Variants in NT5DC1 observed in about 807,000 individuals in gnomAD.
The protein encoded by NT5DC1 is 5'-nucleotidase domain containing 1.
A neutral mutation model predicts 59.4 loss-of-function variants in NT5DC1; 42 were observed. The observed-to-expected ratio is 0.71, with a 90% CI of 0.55 to 0.92. The LOEUF is 0.92. Among genes scored for constraint, NT5DC1 ranks in the 40% least tolerant of loss-of-function variants. The probability of loss-of-function intolerance (pLI) is 0.00; values close to 1 mark genes in which losing one functional copy is unlikely to be tolerated. For missense variants in NT5DC1, 501 were observed against 537.1 expected (o/e 0.93, Z 0.66); for synonymous variants, 172 against 188.1 (o/e 0.91, Z 0.70).
intron 6 of NT5DC1, among the ~76,000 whole-genome samples, chr6:116,147,100 A>T (rs892500415): frequency 4.0e-5 from 6 of 150,568 alleles, no homozygotes; most frequent in African/African-American, 1.2e-4. Flanking sequence ...TGACAATATT[A>T]AAAAAAAACT....
intron 6 of NT5DC1, among the ~76,000 whole-genome samples, chr6:116,213,234 T>C (rs1781616639): frequency 6.6e-6 from 1 of 152,108 alleles, no homozygotes; most frequent in Non-Finnish European, 1.5e-5. Flanking sequence ...AGTAGTCTTC[T>C]GAAGGCATGA....
intron 6 of NT5DC1, among the ~76,000 whole-genome samples, chr6:116,143,503 T>C (rs1299395243): frequency 6.6e-6 from 1 of 152,202 alleles, no homozygotes; most frequent in Non-Finnish European, 1.5e-5. Flanking sequence ...TGAGCCACTG[T>C]GCCCGGCCTT....
chr6:116,214,597 C>T (rs181094899), intron 6 of NT5DC1, among the ~76,000 whole-genome samples: 1 of 152,050 alleles, frequency 6.6e-6, no homozygotes, highest in Admixed American at 6.6e-5. Flanking sequence ...CCACCCCAAA[C>T]CTACTGAATC....
rs1025790263 is a variant in NT5DC1, at chr6:116,119,173, C to T, written c.529+1228C>T. 5.2e-5 allele frequency: 8 copies of T among 152,734 alleles called. No homozygotes were observed. In the East Asian group the frequency reaches 1.3e-3, roughly 26 times the overall value. 9.5% of individuals were successfully genotyped at this position (152,734 alleles called of 1,614,324 possible). The stretch of plus-strand genomic sequence containing the variant: ...TAAATAATATATCTCCACTTCTAGT[C>T]GAATTTTGAAACCCTCAGTGTAAAT... On this transcript the variant is annotated intron_variant, in intron 6 of 11. Coordinates refer to ENST00000319550, the MANE Select transcript of NT5DC1 (RefSeq NM_152729.3).
intron 8 of NT5DC1, among the ~76,000 whole-genome samples, chr6:116,234,824 C>G (rs1326901833): frequency 6.6e-6 from 1 of 152,178 alleles, no homozygotes; most frequent in Non-Finnish European, 1.5e-5. Context: ...AGTTCTGCGG[C>G]TTTCACAGTC....
At chr6:116,167,198 A>G (rs1780488457) in intron 6 of NT5DC1, among the ~76,000 whole-genome samples, 1 of 150,418 alleles carries the variant, frequency 6.6e-6, no homozygotes, top group Admixed American at 6.7e-5. Flanking sequence ...AATTAGTTCA[A>G]ATAGAAGATT....
At chr6:116,156,464 G>A (rs1490799380) in intron 6 of NT5DC1, among the ~76,000 whole-genome samples, 1 of 152,174 alleles carries the variant, frequency 6.6e-6, no homozygotes, top group East Asian at 1.9e-4. Flanking sequence ...TGCCTCATAA[G>A]GGATTACTAT....
At chr6:116,106,523 C>A (rs535782980) in intron 2 of NT5DC1, among the ~76,000 whole-genome samples, 188 bp downstream of exon 2, 4 of 152,162 alleles carry the variant, frequency 2.6e-5, no homozygotes, top group African/African-American at 9.6e-5. Flanking sequence ...CTACTTTAAA[C>A]AAGTTTAGAC....
intron 6 of NT5DC1, among the ~76,000 whole-genome samples, chr6:116,192,465 A>G (rs1354866971): frequency 6.6e-6 from 1 of 152,060 alleles, no homozygotes; most frequent in Non-Finnish European, 1.5e-5. Flanking sequence ...TTAACTATAT[A>G]CAGATGAAAG....
intron 6 of NT5DC1, among the ~76,000 whole-genome samples, chr6:116,166,795 C>T (rs1780479771): frequency 6.6e-6 from 1 of 151,998 alleles, no homozygotes; most frequent in Non-Finnish European, 1.5e-5. Flanking sequence ...AAAAATGGTT[C>T]CCTGATGTAA....
intron 6 of NT5DC1, among the ~76,000 whole-genome samples, chr6:116,174,113 A>G (rs1780678811): frequency 6.6e-6 from 1 of 152,172 alleles, no homozygotes; most frequent in Non-Finnish European, 1.5e-5. Context: ...ATCACATCAT[A>G]TGAGGGGTAC....
At chr6:116,101,116 C>G (rs1264866300) in intron 1 of NT5DC1, 93 bp downstream of exon 1, 4 of 911,098 alleles carry the variant, frequency 4.4e-6, no homozygotes, top group Non-Finnish European at 6.5e-6. Flanking sequence ...GCGGACGCTG[C>G]CCGGGGCCTG....
At chr6:116,180,580 C>T (rs1780853615) in intron 6 of NT5DC1, among the ~76,000 whole-genome samples, 2 of 152,040 alleles carry the variant, frequency 1.3e-5, no homozygotes, top group African/African-American at 2.4e-5. Context: ...CATTTTGTGC[C>T]TCATGATGTG....
In NT5DC1 at chr6:116,106,308, A is replaced by G. The variant is rs140387594; in HGVS notation, c.158A>G (p.Asn53Ser). The change falls in exon 2 of 12, where the codon AAT becomes AGT. Residue 53 changes from asparagine to serine, a missense_variant. Transcript: ENST00000319550. ...AAAGGGTACGATAAGGAATTGCTCA[A>G]TGTGACCCCAGAGGATTGGGATTTC... ...KEKGYDKELL[N>S]VTPEDWDFCC... 2.3e-5 allele frequency: 36 copies of G among 1,573,896 alleles called. No individual in the cohort carries two copies. In the Middle Eastern group the frequency reaches 5.1e-4, roughly 22 times the overall value.
chr6:116,105,642 G>A (rs189644563), intron 1 of NT5DC1, among the ~76,000 whole-genome samples: 135 of 152,258 alleles, frequency 8.9e-4, no homozygotes, highest in Middle Eastern at 6.8e-3. Context: ...TGAGAAATAA[G>A]ATCTGTCAGC....
At chr6:116,112,665 G>A (rs1416402522) in intron 4 of NT5DC1, among the ~76,000 whole-genome samples, 1 of 152,140 alleles carries the variant, frequency 6.6e-6, no homozygotes, top group Non-Finnish European at 1.5e-5. Context: ...TCCTAGCAAT[G>A]GACATTTATG....
At chr6:116,241,791 C>T (rs541213263) in intron 11 of NT5DC1, among the ~76,000 whole-genome samples, 8 of 151,420 alleles carry the variant, frequency 5.3e-5, no homozygotes, top group African/African-American at 1.2e-4. Context: ...GGCGTGGTGG[C>T]GGGCGCCTGT....
chr6:116,117,614 A>G (rs1778990300), intron 5 of NT5DC1, among the ~76,000 whole-genome samples: 1 of 152,242 alleles, frequency 6.6e-6, no homozygotes, highest in African/African-American at 2.4e-5. Context: ...ATTTTATAAT[A>G]AAGTATTGAA....
chr6:116,111,030 AAAG>A (rs1778866443), intron 4 of NT5DC1, 74 bp downstream of exon 4: 1 of 999,328 alleles, frequency 1.0e-6, no homozygotes, highest in African/African-American at 1.6e-5. Flanking sequence ...ATGTCAGGAC[AAAG>A]AAGACCCCCC....
Sources: allele counts gnomAD v4.1 joint callset (sites outside exome capture counted in the v4.1 genomes callset), GRCh38; gene constraint gnomAD v4.1.1; transcripts MANE v1.5; gene names NCBI Gene and HGNC (gene_info 2026-07-23, HGNC 2026-07-21).